ABCF2: variants seen among roughly 807,000 people sequenced by gnomAD.
ABCF2 encodes the protein ATP binding cassette subfamily F member 2, also known as ATP-binding cassette sub-family F member 2.
ABCF2 carries 37 observed loss-of-function variants against 76.9 expected under a neutral mutation model. That is an observed-to-expected ratio of 0.48 (90% confidence interval 0.37 to 0.63). The LOEUF is 0.63. Among genes scored for constraint, ABCF2 ranks in the 30% least tolerant of loss-of-function variants. The pLI, the probability that ABCF2 is intolerant of heterozygous loss-of-function variation, is 0.00. For synonymous variants in ABCF2, 299 were observed against 283.7 expected, an observed-to-expected ratio of 1.05 and a Z score of -0.54; for missense variants, 524 against 782.1, an observed-to-expected ratio of 0.67 and a Z score of 3.94.
intron 7 of ABCF2, among the ~76,000 whole-genome samples, chr7:151,220,702 G>A (rs1802249517): frequency 6.6e-6 from 1 of 152,054 alleles, no homozygotes; most frequent in Admixed American, 6.5e-5. Context: ...AGAAGGCAGA[G>A]GGAGGCCTCG....
Position 151,213,695 on chromosome 7 carries a change from C to T in ABCF2, c.*359G>A, listed in dbSNP as rs766036183. On this transcript the variant is annotated 3_prime_UTR_variant, in exon 15 of 15. Coordinates refer to ENST00000287844, the MANE Select transcript of ABCF2 (RefSeq NM_007189.3). ...TCCAACATCACCAAAACCCAGAAAA[C>T]GAGGATCCTAAGCTCCTCCGCAGGC... is the stretch of plus-strand genomic sequence containing the variant. The T allele has an allele frequency of 1.3e-5, 14 of 1,042,708 alleles. No individual in the cohort carries two copies. The highest frequency in any genetic ancestry group is 4.5e-4 in the Middle Eastern group (1 of 2,208). The allele number at this position is 1,042,708 out of a possible 1,614,324, so 64.6% of individuals were successfully genotyped here. A position where few individuals can be genotyped will look rare whatever the true frequency, so the allele number is the denominator to read the frequency against.
chr7:151,218,458 C>A (rs572601241), intron 10 of ABCF2, 103 bp downstream of exon 10: 1 of 1,040,006 alleles, frequency 9.6e-7, no homozygotes, highest in Non-Finnish European at 1.4e-6. Context: ...CCCCAGAGCA[C>A]GTGGGCTAGC....
At chr7:151,217,538 C>T (rs1054796045) in intron 11 of ABCF2, among the ~76,000 whole-genome samples, 6 of 152,310 alleles carry the variant, frequency 3.9e-5, no homozygotes, top group Admixed American at 2.0e-4. Flanking sequence ...CGGTGGCTCA[C>T]GCCTGTAATC....
At position 151,216,069 on chromosome 7, in the gene ABCF2, G is replaced by C. The variant is rs750873954; in HGVS notation, c.1339-40C>G. On this transcript the variant is annotated intron_variant, in intron 11 of 14. Coordinates refer to ENST00000287844, the MANE Select transcript of ABCF2 (RefSeq NM_007189.3). ...GTAGAAACGTAAGCATGAAACAAAG[G>C]AAGCCCAGTTAGAAACATAGGCAGA... 9.6e-6 allele frequency: 15 copies of C among 1,568,044 alleles called. No individual in the cohort carries two copies. In the South Asian group the frequency reaches 1.7e-4, roughly 17 times the overall value.
Position 151,223,795 on chromosome 7 carries a change from TC to T in ABCF2, c.604del (p.Asp202ThrfsTer5), listed in dbSNP as rs1289969308. The T allele has an allele frequency of 3.7e-6, 6 of 1,613,992 alleles. No homozygotes were observed. The highest frequency in any genetic ancestry group is 5.1e-6 in the Non-Finnish European group (6 of 1,179,938). On this transcript the variant is annotated frameshift_variant, in exon 5 of 15. Transcript: ENST00000287844. ...CCGCGAGGCCCTCATCTCTGCCTTG[TC>T]GGCATCCAGCTCCTCCAGGCGCTCG... ...LYERLEELDA[D>X]KAEMRASRIL...
intron 3 of ABCF2, 96 bp from the exon 4 acceptor site, chr7:151,224,210 A>ATTTTT: frequency 1.0e-6 from 1 of 997,452 alleles, no homozygotes; most frequent in Non-Finnish European, 1.4e-6. Flanking sequence ...GACCTCATCC[A>ATTTTT]TTTTTTTTTT....
intron 11 of ABCF2, 79 bp downstream of exon 11, chr7:151,218,001 AG>A: frequency 9.5e-7 from 1 of 1,051,462 alleles, no homozygotes; most frequent in African/African-American, 1.6e-5. Context: ...CCAAAGTAGT[AG>A]CCCCTGCATC....
At position 151,223,704 on chromosome 7, in the gene ABCF2, G is replaced by GC. The variant is rs763011741; in HGVS notation, c.695dup (p.Trp233LeufsTer22). 6.2e-7 allele frequency: 1 copy of GC among 1,607,312 alleles called. No individual in the cohort carries two copies. The highest frequency in any genetic ancestry group is 8.5e-7 in the Non-Finnish European group (1 of 1,175,222). On this transcript the variant is annotated frameshift_variant, in exon 5 of 15. Coordinates refer to ENST00000287844, the MANE Select transcript of ABCF2 (RefSeq NM_007189.3). ...TGGCAAGGGCAACCCTCATCCTCCA[G>GC]CCCCCACTGAAGTCTTTTAGCTTCT...
chr7:151,218,955 A>C (rs1193481846), intron 8 of ABCF2, 82 bp from the exon 9 acceptor site: 4 of 1,608,598 alleles, frequency 2.5e-6, no homozygotes, highest in Non-Finnish European at 3.4e-6. Context: ...TGTTGATCGT[A>C]ACTTCTTCCC....
rs1238103912 is a variant in ABCF2 at position 151,212,557 on chromosome 7, G to C, written c.*1497C>G. On this transcript the variant is annotated 3_prime_UTR_variant, in exon 15 of 15. Coordinates refer to ENST00000287844, the MANE Select transcript of ABCF2 (RefSeq NM_007189.3). ...GTCTGTCATCAGGCTGGAGTGTAGC[G>C]GCACGCTCTGCTCACTGCAGCCTCA... 1.1e-5 allele frequency: 10 copies of C among 941,738 alleles called. No homozygotes were observed. The highest frequency in any genetic ancestry group is 1.3e-5 in the Non-Finnish European group (10 of 790,346). 58.3% of individuals were successfully genotyped at this position (941,738 alleles called of 1,614,324 possible).
intron 11 of ABCF2, among the ~76,000 whole-genome samples, chr7:151,216,681 T>G (rs1802158409): frequency 6.6e-6 from 1 of 152,086 alleles, no homozygotes; most frequent in Admixed American, 6.6e-5. Context: ...GGCTAATTTT[T>G]TTTTTGCATT....
Position 151,212,640 on chromosome 7 carries a change from G to T in ABCF2, c.*1414C>A. ...AGAGCAGCTGGGACCGCAGGCACAT[G>T]CTACTATGCCCGGTTCATTTTATTA... On this transcript the variant is annotated 3_prime_UTR_variant, in exon 15 of 15. Transcript: ENST00000287844. 8.1e-6 allele frequency: 2 copies of T among 247,482 alleles called. No homozygotes were observed. Among genetic ancestry groups the T allele is most frequent in the Non-Finnish European group, 1.3e-5 (2 of 155,236 alleles). 15.3% of individuals were successfully genotyped at this position (247,482 alleles called of 1,614,324 possible).
Position 151,218,615 on chromosome 7 carries a change from G to T in ABCF2, c.1173C>A (p.Ile391=), listed in dbSNP as rs1021014683. The change falls in exon 10 of 15, where the codon ATC becomes ATA. Residue 391 remains isoleucine (I), a synonymous_variant. Coordinates refer to ENST00000287844, the MANE Select transcript of ABCF2 (RefSeq NM_007189.3). ...TTTGCACCATAATGACAGGTGGAGG[G>T]ATCTTGCCACATGGTGGGAAATAAA... is the stretch of plus-strand genomic sequence containing the variant. ...LSFYFPPCGK[I]PPPVIMVQNV... 6 of 1,613,988 alleles carry T rather than the reference G, an allele frequency of 3.7e-6. No homozygotes were observed. In the African/African-American group the frequency reaches 8.0e-5, roughly 22 times the overall value.
Position 151,226,363 on chromosome 7 carries a change from A to G in ABCF2, c.96T>C (p.Asp32=), listed in dbSNP as rs1370459965. Residue 32 remains aspartate (D), a synonymous_variant, in exon 2 of 15, where the codon GAT becomes GAC. Transcript: ENST00000287844. ...RPRKGHEENG[D]VVTEPQVAEK... is the part of the protein sequence containing the mutation. ...CTGCCACCTGTGGTTCTGTGACAACATCTCCATTTTCTTCATGTCCTTTTC... is the reference window on the plus strand; with the variant it reads ...CTGCCACCTGTGGTTCTGTGACAACGTCTCCATTTTCTTCATGTCCTTTTC... The G allele has an allele frequency of 3.7e-6, 6 of 1,613,874 alleles. No homozygotes were observed. The highest frequency in any genetic ancestry group is 5.1e-6 in the Non-Finnish European group (6 of 1,179,972).
In ABCF2 at chr7:151,216,043, A is replaced by C. The variant is rs1469969102; in HGVS notation, c.1339-14T>G. The C allele has an allele frequency of 6.2e-7, 1 of 1,612,590 alleles. No homozygotes were observed. The highest frequency in any genetic ancestry group is 1.7e-5 in the Admixed American group (1 of 60,022). On this transcript the variant is annotated splice_polypyrimidine_tract_variant and intron_variant, in intron 11 of 14. Coordinates refer to ENST00000287844, the MANE Select transcript of ABCF2 (RefSeq NM_007189.3). ...TGTGGGTAGTAGCTAGGAAGAAAAA[A>C]GTAGAAACGTAAGCATGAAACAAAG...
chr7:151,219,209 A>G (rs1486133970), intron 7 of ABCF2, 50 bp from the exon 8 acceptor site: 2 of 1,519,216 alleles, frequency 1.3e-6, no homozygotes, highest in African/African-American at 1.4e-5. Flanking sequence ...CTGGGTTTCA[A>G]TCCTGGATTC....
Position 151,224,950 on chromosome 7 carries a change from T to C in ABCF2, c.193A>G (p.Met65Val), listed in dbSNP as rs1357737740. The change falls in exon 3 of 15, where the codon ATG becomes GTG. Residue 65 changes from methionine (M) to valine (V), a missense_variant. Met to Val is a conservative substitution (Grantham distance 21). This residue lies in a region of ABCF2 where 330 missense variants were observed against 433.6 expected (regional missense o/e 0.76). Transcript: ENST00000287844. The part of the protein sequence containing the change: ...LLTKELEDFE[M>V]KKAAARAVTG... ...ACAGCTCGAGCAGCAGCTTTCTTCA[T>C]CTCAAAGTCCTCTAGCTCCTTGGTC... 1 of 1,614,072 alleles carries C rather than the reference T, an allele frequency of 6.2e-7. No individual in the cohort carries two copies. The highest frequency in any genetic ancestry group is 1.3e-5 in the African/African-American group (1 of 74,914).
At position 151,222,918 on chromosome 7, in the gene ABCF2, C is replaced by CA. The variant is rs201740804; in HGVS notation, c.723-303dup. Among the ~76,000 whole-genome samples the CA allele has an allele frequency of 5.8e-3, 888 of 151,896 alleles. 8 individuals carry two copies. Among genetic ancestry groups the CA allele is most frequent in the African/African-American group, 0.017 (688 of 41,452 alleles). ...CTGAAGTTGGAGACTACGGAGAAGA[C>CA]AAAAAAATACAGAGGAAATAAACTG... On this transcript the variant is annotated intron_variant, in intron 5 of 14. Transcript: ENST00000287844.
In ABCF2 at chr7:151,212,899, A is replaced by G; in HGVS notation, c.*1155T>C. 1 of 189,840 alleles carries G rather than the reference A, an allele frequency of 5.3e-6. No homozygotes were observed. Among genetic ancestry groups the G allele is most frequent in the Non-Finnish European group, 9.8e-6 (1 of 102,492 alleles). The allele number at this position is 189,840 out of a possible 1,614,324, so 11.8% of individuals were successfully genotyped here. ...CTGCAACCTCCACCTCCTGGGCTCA[A>G]GCGATCCATCCACCCTAGCCACCTG... On this transcript the variant is annotated 3_prime_UTR_variant, in exon 15 of 15. Coordinates refer to ENST00000287844, the MANE Select transcript of ABCF2 (RefSeq NM_007189.3).
Sources: allele counts gnomAD v4.1 joint callset (sites outside exome capture counted in the v4.1 genomes callset), GRCh38; gene constraint gnomAD v4.1.1; regional missense constraint gnomAD v4.1.1; transcripts MANE v1.5; gene names NCBI Gene and HGNC (gene_info 2026-07-23, HGNC 2026-07-21).